Variants in NKAIN3 observed in about 807,000 individuals in gnomAD.
The protein encoded by NKAIN3 is sodium/potassium transporting ATPase interacting 3, also known as sodium/potassium-transporting ATPase subunit beta-1-interacting protein 3.
NKAIN3 carries 25 observed loss-of-function variants against 30.2 expected under a neutral mutation model. That is an observed-to-expected ratio of 0.83 (90% CI 0.60 to 1.16). NKAIN3 has a LOEUF of 1.16. Ranked by LOEUF, NKAIN3 falls within the 50% of genes most tolerant of loss-of-function variation. The pLI, the probability that NKAIN3 is intolerant of heterozygous loss-of-function variation, is 0.00. For synonymous variants in NKAIN3, 91 were observed against 89.6 expected (o/e 1.02, Z -0.09); for missense variants, 225 against 254.1 (o/e 0.89, Z 0.78).
At chr8:62,850,206 T>A (rs1048714407) in intron 4 of NKAIN3, among the ~76,000 whole-genome samples, 11 of 152,224 alleles carry the variant, frequency 7.2e-5, no homozygotes, top group Non-Finnish European at 1.3e-4. Flanking sequence ...TGATGGCCAG[T>A]GATGATGAGC....
At chr8:62,417,924 C>A (rs561334046) in intron 1 of NKAIN3, among the ~76,000 whole-genome samples, 73 of 151,950 alleles carry the variant, frequency 4.8e-4, no homozygotes, top group Non-Finnish European at 1.0e-3. Context: ...GGAATACAAT[C>A]AAAAAAGAGA....
At chr8:62,835,099 C>T (rs1346841454) in intron 4 of NKAIN3, among the ~76,000 whole-genome samples, 1 of 152,038 alleles carries the variant, frequency 6.6e-6, no homozygotes, top group East Asian at 1.9e-4. Context: ...TCAATAAATG[C>T]TGCTGGAATC....
At chr8:62,681,824 C>T (rs906284675) in intron 3 of NKAIN3, among the ~76,000 whole-genome samples, 1 of 152,144 alleles carries the variant, frequency 6.6e-6, no homozygotes, top group Non-Finnish European at 1.5e-5. Flanking sequence ...TTATCTTGGT[C>T]TTTAAAATTA....
intron 5 of NKAIN3, among the ~76,000 whole-genome samples, chr8:62,992,686 A>T (rs16930047): frequency 0.18 from 27,523 of 151,750 alleles, 2,665 homozygotes; most frequent in East Asian, 0.38. Flanking sequence ...CCTGTGGCCC[A>T]TGGGTTCCAA....
In NKAIN3 at chr8:62,981,936, A is replaced by G. The variant is rs1158348025; in HGVS notation, c.*16529A>G. ...ATACACAGTTCGAATTATCTAAATG[A>G]AATAATTTTCAAGCACATAACAGAT... On this transcript the variant is annotated 3_prime_UTR_variant, in exon 7 of 7. Transcript: ENST00000623646. The G allele has an allele frequency of 6.6e-6, 1 of 152,208 alleles. No homozygotes were observed. Among genetic ancestry groups the G allele is most frequent in the Non-Finnish European group, 1.5e-5 (1 of 68,036 alleles). The allele number at this position is 152,208 out of a possible 1,614,324, so 9.4% of individuals were successfully genotyped here.
intron 3 of NKAIN3, among the ~76,000 whole-genome samples, chr8:62,655,179 G>A (rs1055454761): frequency 1.3e-5 from 2 of 152,132 alleles, no homozygotes; most frequent in African/African-American, 4.8e-5. Context: ...GACCAAGATG[G>A]ACCTGAGCTG....
chr8:62,662,094 C>G (rs998126157), intron 3 of NKAIN3, among the ~76,000 whole-genome samples: 1 of 152,124 alleles, frequency 6.6e-6, no homozygotes, highest in Non-Finnish European at 1.5e-5. Flanking sequence ...CTGAAAGCTC[C>G]TCAGCTTTTT....
intron 4 of NKAIN3, among the ~76,000 whole-genome samples, chr8:62,909,240 A>C (rs1821865982): frequency 6.6e-6 from 1 of 152,178 alleles, no homozygotes. Context: ...ATTTGCAAAA[A>C]CTAATCAATC....
At chr8:62,428,369 T>C (rs758991167) in intron 1 of NKAIN3, among the ~76,000 whole-genome samples, 1 of 151,844 alleles carries the variant, frequency 6.6e-6, no homozygotes, top group African/African-American at 2.4e-5. Context: ...AGAAGTGAGA[T>C]TGCTAGCTCA....
At chr8:62,466,524 C>T (rs985636030) in intron 1 of NKAIN3, among the ~76,000 whole-genome samples, 1 of 152,092 alleles carries the variant, frequency 6.6e-6, no homozygotes, top group Admixed American at 6.5e-5. Flanking sequence ...TTAACCAGTC[C>T]TGCGGTTTCC....
rs1823783282 is a variant in NKAIN3, at chr8:62,969,417, T to G, written c.*4010T>G. ...AAAACCAAAATTTCTCTTTTCAATC[T>G]TTGCAAATTAAAAAGGAATCTTGCC... On this transcript the variant is annotated 3_prime_UTR_variant, in exon 7 of 7. Transcript: ENST00000623646. Among the ~76,000 whole-genome samples, 1 of 152,246 alleles carries G rather than the reference T, an allele frequency of 6.6e-6. No homozygotes were observed. Among genetic ancestry groups the G allele is most frequent in the Non-Finnish European group, 1.5e-5 (1 of 68,050 alleles).
intron 1 of NKAIN3, among the ~76,000 whole-genome samples, chr8:62,439,189 A>G (rs1032885150): frequency 6.6e-6 from 1 of 152,206 alleles, no homozygotes; most frequent in African/African-American, 2.4e-5. Context: ...TATGGTCCAC[A>G]TTGGCACAAC....
intron 1 of NKAIN3, among the ~76,000 whole-genome samples, chr8:62,345,455 GTA>G (rs1294548729): frequency 7.7e-5 from 6 of 77,528 alleles, no homozygotes; most frequent in African/African-American, 1.8e-4. Flanking sequence ...ACACACATAT[GTA>G]TATATACACA....
At chr8:62,909,988 T>C (rs1821886007) in intron 4 of NKAIN3, among the ~76,000 whole-genome samples, 1 of 152,138 alleles carries the variant, frequency 6.6e-6, no homozygotes, top group South Asian at 2.1e-4. Flanking sequence ...ACAAATTTTT[T>C]CTTGCTATAC....
intron 4 of NKAIN3, among the ~76,000 whole-genome samples, chr8:62,806,363 A>G (rs759541799): frequency 4.6e-5 from 7 of 152,228 alleles, no homozygotes; most frequent in Admixed American, 3.3e-4. Context: ...ACGTATGTTT[A>G]TTGTGGCACT....
At position 62,332,600 on chromosome 8, in the gene NKAIN3, G is replaced by A. The variant is rs1002761482; in HGVS notation, c.54+83473G>A. On this transcript the variant is annotated intron_variant, in intron 1 of 6. Transcript: ENST00000623646. ...TAGATATGAGGAGACTGCAGTCCGA[G>A]AAGGTTAGGTTGCTTAACTAACCCT... Among the ~76,000 whole-genome samples the A allele has an allele frequency of 2.6e-5, 4 of 152,136 alleles. No individual in the cohort carries two copies. The South Asian group carries it at 8.3e-4, about 31-fold the overall frequency.
intron 3 of NKAIN3, among the ~76,000 whole-genome samples, chr8:62,729,040 C>CAAAAAAAAAAAACAAAAAAAAA (rs1815376543): frequency 1.6e-5 from 1 of 61,206 alleles, no homozygotes; most frequent in Non-Finnish European, 3.0e-5. Flanking sequence ...AAAAAAAAAA[C>CAAAAAAAAAAAACAAAAAAAAA]AAAAAAAAAA....
At chr8:62,788,132 G>GA (rs1164086620) in intron 4 of NKAIN3, among the ~76,000 whole-genome samples, 3 of 152,170 alleles carry the variant, frequency 2.0e-5, no homozygotes, top group Admixed American at 2.0e-4. Flanking sequence ...CACAAAGGTT[G>GA]AACTAGTTTA....
chr8:62,870,230 A>AAATC (rs1820565380), intron 4 of NKAIN3, among the ~76,000 whole-genome samples: 1 of 142,264 alleles, frequency 7.0e-6, no homozygotes, highest in Non-Finnish European at 1.5e-5. Context: ...CTATATCTAT[A>AAATC]TATAGATATC....
Sources: allele counts gnomAD v4.1 joint callset (sites outside exome capture counted in the v4.1 genomes callset), GRCh38; gene constraint gnomAD v4.1.1; transcripts MANE v1.5; gene names NCBI Gene and HGNC (gene_info 2026-07-23, HGNC 2026-07-21).